BRIP1: variants seen among roughly 807,000 people sequenced by gnomAD.
The protein encoded by BRIP1 is Fanconi anemia group J protein.
Under a neutral mutation model 119.7 loss-of-function variants are expected in BRIP1, and 88 were observed. The ratio of observed to expected loss-of-function variants is 0.74; its 90% CI spans 0.62 to 0.88. The LOEUF (loss-of-function observed/expected upper bound fraction) is 0.88. Ranked by LOEUF, BRIP1 falls within the 40% of genes least tolerant of loss-of-function variation. The pLI, the probability that BRIP1 is intolerant of heterozygous loss-of-function variation, is 0.00. For synonymous variants in BRIP1, 443 were observed against 496.5 expected, an observed-to-expected ratio of 0.89 and a Z score of 1.43; for missense variants, 1,259 against 1,455.4, an observed-to-expected ratio of 0.87 and a Z score of 2.20.
intron 6 of BRIP1, among the ~76,000 whole-genome samples, chr17:61,819,712 G>A (rs2078292551): frequency 6.6e-6 from 1 of 152,126 alleles, no homozygotes; most frequent in East Asian, 1.9e-4. Flanking sequence ...GAGTAGAAGG[G>A]TGGTTTTCAG....
chr17:61,735,759 C>T lies in BRIP1; in HGVS notation c.2379+7254G>A, dbSNP rs905767902. Among the ~76,000 whole-genome samples the T allele has an allele frequency of 6.6e-6, 1 of 151,958 alleles. No homozygotes were observed. Among genetic ancestry groups the T allele is most frequent in the Non-Finnish European group, 1.5e-5 (1 of 67,998 alleles). ...AAGGCTGCAGTGACCCATGACCGCA[C>T]CACTGCACTCTAGCCTGGGCAATGG... On this transcript the variant is annotated intron_variant, in intron 16 of 19. Transcript: ENST00000259008. The surrounding 1 kb of genome is among the most constrained non-coding windows in gnomAD (Gnocchi z 4.4).
Position 61,780,517 on chromosome 17 carries a change from T to TA in BRIP1, c.1795-117dup. 1.0e-6 allele frequency: 1 copy of TA among 971,708 alleles called. No individual in the cohort carries two copies. The highest frequency in any genetic ancestry group is 1.6e-5 in the African/African-American group (1 of 61,538). 60.2% of individuals were successfully genotyped at this position (971,708 alleles called of 1,614,324 possible). A position where few individuals can be genotyped will look rare whatever the true frequency, so the allele number is the denominator to read the frequency against. On this transcript the variant is annotated intron_variant, in intron 12 of 19. Transcript: ENST00000259008. This position sits in a 1 kb window ranked among gnomAD's most constrained non-coding sequence, Gnocchi z 5.4. The stretch of plus-strand genomic sequence containing the variant: ...CTGAAGCAGGAAGATCGCTTGAGTC[T>TA]AGGAGTCTGAGACCAGCCTGGGCAA...
chr17:61,719,496 G>T (rs549983278), intron 16 of BRIP1, among the ~76,000 whole-genome samples: 80 of 152,160 alleles, frequency 5.3e-4, no homozygotes, highest in African/African-American at 1.9e-3. Flanking sequence ...AAGCTGAGGC[G>T]GGTGGATCAC....
rs1049152841 is a variant in BRIP1, at chr17:61,795,808, TAA to T, written c.1341-2081_1341-2080del. Among the ~76,000 whole-genome samples the T allele has an allele frequency of 6.6e-6, 1 of 152,142 alleles. No individual in the cohort carries two copies. Among genetic ancestry groups the T allele is most frequent in the Non-Finnish European group, 1.5e-5 (1 of 67,996 alleles). ...GCTGGATCGTTTGGTAGCTCTATTT[TAA>T]GTTTTTTGAGGAACTTCCAAATTGT... On this transcript the variant is annotated intron_variant, in intron 9 of 19. Transcript: ENST00000259008. The surrounding 1 kb of genome is among the most constrained non-coding windows in gnomAD (Gnocchi z 5.6).
intron 6 of BRIP1, among the ~76,000 whole-genome samples, chr17:61,829,996 G>A (rs62068839): frequency 0.29 from 43,150 of 150,766 alleles, 7,935 homozygotes; most frequent in Non-Finnish European, 0.42. Flanking sequence ...GCAATGGCAC[G>A]ATCTCAGCTC....
chr17:61,749,526 T>C (rs1184322041), intron 14 of BRIP1, among the ~76,000 whole-genome samples: 2 of 151,770 alleles, frequency 1.3e-5, no homozygotes, highest in African/African-American at 4.9e-5. Flanking sequence ...ATCAGGGAAA[T>C]GCAAATCAAA....
chr17:61,821,013 G>C (rs767693687), intron 6 of BRIP1, among the ~76,000 whole-genome samples: 38 of 151,726 alleles, frequency 2.5e-4, no homozygotes, highest in Non-Finnish European at 4.7e-4. Flanking sequence ...GCTTGAGCAA[G>C]AGGCTCAAGA....
At chr17:61,801,986 A>G (rs2078003474) in intron 7 of BRIP1, among the ~76,000 whole-genome samples, 1 of 152,150 alleles carries the variant, frequency 6.6e-6, no homozygotes, top group Admixed American at 6.6e-5. Flanking sequence ...GTAGGTTGGA[A>G]TGTCCTAAGG....
rs1306328234 is a variant in BRIP1, at chr17:61,753,323, C to T, written c.2098-8732G>A. 6.6e-6 allele frequency among the ~76,000 whole-genome samples: 1 copy of T among 152,092 alleles called. No homozygotes were observed. Among genetic ancestry groups the T allele is most frequent in the Non-Finnish European group, 1.5e-5 (1 of 68,004 alleles). On this transcript the variant is annotated intron_variant, in intron 14 of 19. Coordinates refer to ENST00000259008, the MANE Select transcript of BRIP1 (RefSeq NM_032043.3). This position sits in a 1 kb window ranked among gnomAD's most constrained non-coding sequence, Gnocchi z 4.6. ...TCTGTTACAAGCAACAGAAAATGAA[C>T]TAAGACAGTACCATTCATTCATACA...
At position 61,726,661 on chromosome 17, in the gene BRIP1, G is replaced by A. The variant is rs1255597598; in HGVS notation, c.2380-10598C>T. On this transcript the variant is annotated intron_variant, in intron 16 of 19. Coordinates refer to ENST00000259008, the MANE Select transcript of BRIP1 (RefSeq NM_032043.3). This position sits in a 1 kb window ranked among gnomAD's most constrained non-coding sequence, Gnocchi z 6.2. Reference sequence around the variant, plus strand: ...ACATTGGCAGAATACATACAGAACAGTGTTCAAACAGTTTTGAAACAAATA... The same window carrying A: ...ACATTGGCAGAATACATACAGAACAATGTTCAAACAGTTTTGAAACAAATA... Among the ~76,000 whole-genome samples the A allele has an allele frequency of 6.6e-6, 1 of 152,186 alleles. No individual in the cohort carries two copies. Among genetic ancestry groups the A allele is most frequent in the Non-Finnish European group, 1.5e-5 (1 of 68,026 alleles).
chr17:61,861,033 A>C lies in BRIP1; in HGVS notation c.93+414T>G, dbSNP rs2078966204. Among the ~76,000 whole-genome samples, 1 of 152,216 alleles carries C rather than the reference A, an allele frequency of 6.6e-6. No homozygotes were observed. Among genetic ancestry groups the C allele is most frequent in the Non-Finnish European group, 1.5e-5 (1 of 68,026 alleles). On this transcript the variant is annotated intron_variant, in intron 2 of 19. Transcript: ENST00000259008. The surrounding 1 kb of genome is among the most constrained non-coding windows in gnomAD (Gnocchi z 4.5). The stretch of plus-strand genomic sequence containing the variant: ...AATAATCTTGTTACCAGTAAATAAG[A>C]TATGAAGTACATATGGCAAAATAGC...
Position 61,849,141 on chromosome 17 carries a change from T to G in BRIP1, c.495A>C (p.Glu165Asp), listed in dbSNP as rs780024960. The change falls in exon 5 of 20, where the codon GAA becomes GAC. Residue 165 changes from glutamate to aspartate, a missense_variant. Around this residue, in one of 3 missense-constraint regions of BRIP1, gnomAD observed 501 missense variants for 544.0 expected, o/e 0.92. Coordinates refer to ENST00000259008, the MANE Select transcript of BRIP1 (RefSeq NM_032043.3). ...AAACTCTGTTTACCTGCTGTGTAGTTTCTAAGGGTCGAATTCTTTTCTTCT... is the reference window on the plus strand; with the variant it reads ...AAACTCTGTTTACCTGCTGTGTAGTGTCTAAGGGTCGAATTCTTTTCTTCT... ...QVEKKRIRPL[E>D]TTQQIRKRHC... The G allele has an allele frequency of 1.9e-6, 3 of 1,613,704 alleles. No homozygotes were observed. In the East Asian group the frequency reaches 6.7e-5, roughly 36 times the overall value.
rs776607955 is a variant in BRIP1, at chr17:61,704,126, T to C, written c.2493-10614A>G. Among the ~76,000 whole-genome samples, 24 of 152,214 alleles carry C rather than the reference T, an allele frequency of 1.6e-4. No homozygotes were observed. Among genetic ancestry groups the C allele is most frequent in the Non-Finnish European group, 2.8e-4 (19 of 68,032 alleles). On this transcript the variant is annotated intron_variant, in intron 17 of 19. Transcript: ENST00000259008. This position sits in a 1 kb window ranked among gnomAD's most constrained non-coding sequence, Gnocchi z 5.7. ...AAGCCAGTTACTCCAGCACCATTTA[T>C]TGAACAAGGAGTCCTTTCCCCATTG...
chr17:61,836,658 C>T (rs2078579219), intron 6 of BRIP1, among the ~76,000 whole-genome samples: 1 of 152,072 alleles, frequency 6.6e-6, no homozygotes, highest in Non-Finnish European at 1.5e-5. Flanking sequence ...TTACACTTGT[C>T]CTTATGGTCA....
chr17:61,684,602 A>G lies in BRIP1; in HGVS notation c.2906-462T>C, dbSNP rs1431933335. ...ATAAAACTGGTTAGTAAGAAGACCA[A>G]GACTAGAAACTAGGTTTCCTGATTA... On this transcript the variant is annotated intron_variant, in intron 19 of 19. Coordinates refer to ENST00000259008, the MANE Select transcript of BRIP1 (RefSeq NM_032043.3). The surrounding 1 kb of genome is among the most constrained non-coding windows in gnomAD (Gnocchi z 4.5). 6.6e-6 allele frequency among the ~76,000 whole-genome samples: 1 copy of G among 152,170 alleles called. No individual in the cohort carries two copies. The highest frequency in any genetic ancestry group is 1.5e-5 in the Non-Finnish European group (1 of 68,024).
chr17:61,772,157 T>A (rs1476149872), intron 14 of BRIP1, among the ~76,000 whole-genome samples: 1 of 76,862 alleles, frequency 1.3e-5, no homozygotes, highest in African/African-American at 5.9e-5. Context: ...AAATGTGAGA[T>A]TATATATATA....
rs564761074 is a variant in BRIP1 at position 61,762,603 on chromosome 17, C to T, written c.2097+13798G>A. On this transcript the variant is annotated intron_variant, in intron 14 of 19. Coordinates refer to ENST00000259008, the MANE Select transcript of BRIP1 (RefSeq NM_032043.3). This position sits in a 1 kb window ranked among gnomAD's most constrained non-coding sequence, Gnocchi z 4.3. Reference sequence around the variant, plus strand: ...TTTCTAAAAGAAGACAACAAATGACCAACAGATACATGAAAAAATGCTCAA... The same window carrying T: ...TTTCTAAAAGAAGACAACAAATGACTAACAGATACATGAAAAAATGCTCAA... 6.6e-6 allele frequency among the ~76,000 whole-genome samples: 1 copy of T among 151,946 alleles called. No homozygotes were observed.
At position 61,680,612 on chromosome 17, in the gene BRIP1, T is replaced by G. The variant is rs976343800; in HGVS notation, c.*2684A>C. ...CTCCTGCCTCAGCCTCCTGAGTAGC[T>G]GGGACTACAGGCGCCCGCCACCACG... On this transcript the variant is annotated 3_prime_UTR_variant, in exon 20 of 20. Coordinates refer to ENST00000259008, the MANE Select transcript of BRIP1 (RefSeq NM_032043.3). 6.6e-6 allele frequency among the ~76,000 whole-genome samples: 1 copy of G among 151,194 alleles called. No individual in the cohort carries two copies.
At position 61,690,291 on chromosome 17, in the gene BRIP1, T is replaced by A. The variant is rs2061428673; in HGVS notation, c.2575+3139A>T. On this transcript the variant is annotated intron_variant, in intron 18 of 19. Coordinates refer to ENST00000259008, the MANE Select transcript of BRIP1 (RefSeq NM_032043.3). This position sits in a 1 kb window ranked among gnomAD's most constrained non-coding sequence, Gnocchi z 5.6. The stretch of plus-strand genomic sequence containing the variant: ...AAAGTGTACACAAATACAGAATACT[T>A]TAATATAACAACAGTGATACATAAA... Among the ~76,000 whole-genome samples, 14 of 152,146 alleles carry A rather than the reference T, an allele frequency of 9.2e-5. No homozygotes were observed. Among genetic ancestry groups the A allele is most frequent in the Admixed American group, 7.9e-4 (12 of 15,266 alleles).
Sources: gnomAD v4.1 joint callset for allele counts (sites outside exome capture counted in the v4.1 genomes callset) on GRCh38, gnomAD v4.1.1 for gene constraint, gnomAD v4.1.1 regional missense constraint, Gnocchi (gnomAD v3.1) non-coding constraint, MANE v1.5 for transcripts, NCBI Gene and HGNC (gene_info 2026-07-23, HGNC 2026-07-21) for gene names.